TRPC7: variants seen among roughly 807,000 people sequenced by gnomAD.
TRPC7 encodes transient receptor potential cation channel subfamily C member 7.
TRPC7 carries 42 observed loss-of-function variants against 90.1 expected under a neutral mutation model. The ratio of observed to expected loss-of-function variants is 0.47; its 90% CI spans 0.36 to 0.60. The LOEUF is 0.60. Ranked by LOEUF, TRPC7 falls within the 20% of genes least tolerant of loss-of-function variation. TRPC7 has a pLI of 0.00. For missense variants in TRPC7, 955 were observed against 1,112.3 expected (o/e 0.86, Z 2.01); for synonymous variants, 451 against 436.3 (o/e 1.03, Z -0.42).
chr5:136,318,089 C>A (rs949276637), intron 2 of TRPC7, among the ~76,000 whole-genome samples: 1 of 152,116 alleles, frequency 6.6e-6, no homozygotes, highest in African/African-American at 2.4e-5. Context: ...ATAGAGAGAA[C>A]CCAGGCCTGC....
At chr5:136,241,416 C>G (rs1756159043) in intron 7 of TRPC7, among the ~76,000 whole-genome samples, 2 of 152,258 alleles carry the variant, frequency 1.3e-5, no homozygotes, top group South Asian at 4.1e-4. Flanking sequence ...AAAGGGGAGA[C>G]AGGGGCCCAC....
chr5:136,302,187 G>T (rs541238124), intron 3 of TRPC7, among the ~76,000 whole-genome samples: 1 of 152,288 alleles, frequency 6.6e-6, no homozygotes, highest in East Asian at 1.9e-4. Context: ...CCTTCCCTTG[G>T]TGTTTAATCA....
At chr5:136,277,786 A>G (rs1293180623) in intron 3 of TRPC7, among the ~76,000 whole-genome samples, 2 of 152,250 alleles carry the variant, frequency 1.3e-5, no homozygotes, top group African/African-American at 2.4e-5. Flanking sequence ...TCACAAAAGG[A>G]TAGAATGATC....
chr5:136,352,646 G>C (rs1463360100), intron 2 of TRPC7, among the ~76,000 whole-genome samples: 1 of 152,104 alleles, frequency 6.6e-6, no homozygotes, highest in Non-Finnish European at 1.5e-5. Context: ...CTTCTGAGAA[G>C]TCCAGCTCAC....
At chr5:136,242,169 C>G (rs1756192132) in intron 7 of TRPC7, among the ~76,000 whole-genome samples, 1 of 152,192 alleles carries the variant, frequency 6.6e-6, no homozygotes, top group African/African-American at 2.4e-5. Context: ...AGTGTGTTCT[C>G]AGGTGATTTT....
At position 136,321,254 on chromosome 5, in the gene TRPC7, T is replaced by C. The variant is rs1318045570; in HGVS notation, c.781-5475A>G. On this transcript the variant is annotated intron_variant, in intron 2 of 11. Coordinates refer to ENST00000513104, the MANE Select transcript of TRPC7 (RefSeq NM_020389.3). ...ACACTTGAGGCTCAATTGTGCTGAC[T>C]CTCAACTAACTTGGGGGAAACAAAA... 4.9e-4 allele frequency among the ~76,000 whole-genome samples: 74 copies of C among 152,164 alleles called. 4 individuals carry two copies.
At chr5:136,305,442 G>T (rs1341545679) in intron 3 of TRPC7, among the ~76,000 whole-genome samples, 2 of 152,118 alleles carry the variant, frequency 1.3e-5, no homozygotes, top group African/African-American at 2.4e-5. Context: ...TGTTCCATCT[G>T]CTATTCTACT....
Position 136,315,638 on chromosome 5 carries a change from G to C in TRPC7, c.922C>G (p.Leu308Val). ...QVWSDHHRPSLSRIKLAIKYE... is the reference protein window; with the variant it reads ...QVWSDHHRPSVSRIKLAIKYE... ...TTAATGGCGAGTTTGATCCGGCTCAGACTTGGACGGTGGTGGTCGGACCAG... is the reference window on the plus strand; with the variant it reads ...TTAATGGCGAGTTTGATCCGGCTCACACTTGGACGGTGGTGGTCGGACCAG... The change falls in exon 3 of 12, where the codon CTG becomes GTG. Residue 308 changes from leucine (L) to valine (V), a missense_variant. Physicochemically the swap from Leu to Val is conservative, Grantham distance 32 (BLOSUM62 1). Coordinates refer to ENST00000513104, the MANE Select transcript of TRPC7 (RefSeq NM_020389.3). The C allele has an allele frequency of 6.2e-7, 1 of 1,613,918 alleles. No homozygotes were observed.
At chr5:136,230,701 T>A (rs1329024198) in intron 8 of TRPC7, among the ~76,000 whole-genome samples, 1 of 152,248 alleles carries the variant, frequency 6.6e-6, no homozygotes, top group Non-Finnish European at 1.5e-5. Context: ...TCATGCCTTT[T>A]AGATTTTGAT....
intron 3 of TRPC7, among the ~76,000 whole-genome samples, chr5:136,276,656 G>A (rs893924015): frequency 6.6e-6 from 1 of 152,124 alleles, no homozygotes; most frequent in South Asian, 2.1e-4. Flanking sequence ...GCTTTTCTTT[G>A]TAGCATTACT....
At chr5:136,292,875 C>A (rs545098649) in intron 3 of TRPC7, among the ~76,000 whole-genome samples, 1 of 152,314 alleles carries the variant, frequency 6.6e-6, no homozygotes, top group Admixed American at 6.5e-5. Context: ...CCTTGATGAA[C>A]ATTGATGCAA....
rs538428957 is a variant in TRPC7 at position 136,327,763 on chromosome 5, C to T, written c.781-11984G>A. On this transcript the variant is annotated intron_variant, in intron 2 of 11. Coordinates refer to ENST00000513104, the MANE Select transcript of TRPC7 (RefSeq NM_020389.3). Reference sequence around the variant, plus strand: ...GGGAAGCACACAGCCCAATGCTGGGCGCACAAGTCACCTTCAGTACCCTTT... The same window carrying T: ...GGGAAGCACACAGCCCAATGCTGGGTGCACAAGTCACCTTCAGTACCCTTT... 1.2e-4 allele frequency among the ~76,000 whole-genome samples: 19 copies of T among 152,278 alleles called. No individual in the cohort carries two copies. In the South Asian group the frequency reaches 3.3e-3, roughly 27 times the overall value.
intron 2 of TRPC7, among the ~76,000 whole-genome samples, chr5:136,323,081 T>G (rs1330982431): frequency 6.6e-6 from 1 of 152,184 alleles, no homozygotes; most frequent in Non-Finnish European, 1.5e-5. Flanking sequence ...GGGAGATAAT[T>G]GAATCATGGG....
intron 5 of TRPC7, among the ~76,000 whole-genome samples, chr5:136,258,795 T>C (rs1188770596): frequency 1.3e-5 from 2 of 152,230 alleles, no homozygotes; most frequent in African/African-American, 4.8e-5. Context: ...ATTCTTTAAA[T>C]GGTCCTGGCC....
chr5:136,248,226 T>G (rs1266984202), intron 6 of TRPC7, among the ~76,000 whole-genome samples: 1 of 152,184 alleles, frequency 6.6e-6, no homozygotes, highest in Non-Finnish European at 1.5e-5. Context: ...GAGTCAGACA[T>G]CCCTGAGGCT....
chr5:136,316,693 A>C (rs1260611728), intron 2 of TRPC7, among the ~76,000 whole-genome samples: 1 of 152,174 alleles, frequency 6.6e-6, no homozygotes, highest in African/African-American at 2.4e-5. Flanking sequence ...GTTCTAGATA[A>C]TGATCCAAAA....
chr5:136,247,597 C>T lies in TRPC7; in HGVS notation c.1718G>A (p.Gly573Glu), dbSNP rs756848255. The change falls in exon 7 of 12, where the codon GGG (glycine) becomes GAG (glutamate). Residue 573 changes from glycine (G) to glutamate (E), a missense_variant. Gly to Glu is a moderately conservative substitution (Grantham distance 98). Around this residue, in one of 4 missense-constraint regions of TRPC7, gnomAD observed 296 missense variants for 422.7 expected, o/e 0.70. Coordinates refer to ENST00000513104, the MANE Select transcript of TRPC7 (RefSeq NM_020389.3). The surrounding 1 kb of genome is among the most constrained non-coding windows in gnomAD (Gnocchi z 4.2). ...ESFGPLQISL[G>E]RTVKDIFKFM... is the part of the protein sequence containing the mutation. ...CTTGAAGATATCTTTCACAGTTCTC[C>T]CTAGCGAGATCTGCAGGGGCCCAAA... The T allele has an allele frequency of 6.2e-7, 1 of 1,613,928 alleles. No individual in the cohort carries two copies. The highest frequency in any genetic ancestry group is 1.7e-5 in the Admixed American group (1 of 60,008).
At chr5:136,215,868 G>A (rs1363044918) in intron 11 of TRPC7, among the ~76,000 whole-genome samples, 1 of 152,024 alleles carries the variant, frequency 6.6e-6, no homozygotes, top group African/African-American at 2.4e-5. Context: ...GAAGAGTGGG[G>A]TCAGAGATGG....
chr5:136,254,640 CAGG>C (rs992945792), intron 5 of TRPC7, among the ~76,000 whole-genome samples: 12 of 152,202 alleles, frequency 7.9e-5, no homozygotes, highest in African/African-American at 2.7e-4. Context: ...TCGAGATATA[CAGG>C]AGATTAGCAT....
Sources: gnomAD v4.1 joint callset for allele counts (sites outside exome capture counted in the v4.1 genomes callset) on GRCh38, gnomAD v4.1.1 for gene constraint, gnomAD v4.1.1 regional missense constraint, Gnocchi (gnomAD v3.1) non-coding constraint, MANE v1.5 for transcripts, NCBI Gene and HGNC (gene_info 2026-07-23, HGNC 2026-07-21) for gene names.